FAF1: variants seen among roughly 807,000 people sequenced by gnomAD.
FAF1 encodes the protein FAS-associated factor 1.
Under a neutral mutation model 92.5 loss-of-function variants are expected in FAF1, and 25 were observed. The observed-to-expected ratio is 0.27, with a 90% confidence interval of 0.20 to 0.38. The LOEUF (loss-of-function observed/expected upper bound fraction) is 0.38, where lower values mean the gene tolerates loss of function less well. Among genes scored for constraint, FAF1 ranks in the 10% least tolerant of loss-of-function variants. The pLI, the probability that FAF1 is intolerant of heterozygous loss-of-function variation, is 1.00. For missense variants in FAF1, 636 were observed against 793.3 expected (o/e 0.80, Z 2.38); for synonymous variants, 234 against 273.2 (o/e 0.86, Z 1.42).
intron 2 of FAF1, chr1:50,846,700 G>T: frequency 1.7e-6 from 1 of 596,498 alleles, no homozygotes; most frequent in South Asian, 1.4e-5. Flanking sequence ...TTGAAAGCAT[G>T]ATGGAGCACT....
chr1:50,618,915 C>A (rs1230751389), intron 8 of FAF1, among the ~76,000 whole-genome samples: 1 of 151,762 alleles, frequency 6.6e-6, no homozygotes, highest in African/African-American at 2.4e-5. Flanking sequence ...TACCACCATG[C>A]CCGGCTGATT....
At chr1:50,922,766 C>G (rs1293769151) in intron 1 of FAF1, among the ~76,000 whole-genome samples, 3 of 145,832 alleles carry the variant, frequency 2.1e-5, no homozygotes, top group Non-Finnish European at 3.0e-5. Context: ...TTGCAGTGAG[C>G]CAAGATCACG....
rs1484881359 is a variant in FAF1, at chr1:50,819,668, A to ACACT, written c.115-17992_115-17991insAGTG. On this transcript the variant is annotated intron_variant, in intron 2 of 18. Transcript: ENST00000396153. ...CACACACACACACACACACACACACACTCTCTCTCTGTATATATATATACA... is the reference window on the plus strand; with the variant it reads ...CACACACACACACACACACACACACACACTCTCTCTCTCTGTATATATATATACA... Among the ~76,000 whole-genome samples, 167 of 118,876 alleles carry ACACT rather than the reference A, an allele frequency of 1.4e-3. 7 individuals are homozygous for ACACT. The highest frequency in any genetic ancestry group is 4.0e-3 in the African/African-American group (116 of 29,142). 78.0% of individuals were successfully genotyped at this position (118,876 alleles called of 152,430 possible). A position where few individuals can be genotyped will look rare whatever the true frequency, so the allele number is the denominator to read the frequency against.
chr1:50,914,561 T>C (rs1644907243), intron 1 of FAF1, among the ~76,000 whole-genome samples: 1 of 152,252 alleles, frequency 6.6e-6, no homozygotes, highest in Non-Finnish European at 1.5e-5. Flanking sequence ...GCCTTTATGC[T>C]TAGGCTACTG....
intron 1 of FAF1, among the ~76,000 whole-genome samples, chr1:50,938,845 T>C (rs1271921024): frequency 6.6e-6 from 1 of 152,216 alleles, no homozygotes; most frequent in African/African-American, 2.4e-5. Flanking sequence ...CTCCTCATTG[T>C]TTTTGTCAGC....
At chr1:50,668,871 A>G (rs922833845) in intron 7 of FAF1, among the ~76,000 whole-genome samples, 13 of 152,242 alleles carry the variant, frequency 8.5e-5, no homozygotes, top group Non-Finnish European at 1.6e-4. Context: ...TTCATTAAAT[A>G]AGGAGGCATT....
At chr1:50,527,522 T>G (rs1260553021) in intron 15 of FAF1, among the ~76,000 whole-genome samples, 3 of 152,202 alleles carry the variant, frequency 2.0e-5, no homozygotes, top group African/African-American at 7.2e-5. Context: ...AAAATTTAAC[T>G]CAGCTTGCAA....
chr1:50,659,830 A>G lies in FAF1; in HGVS notation c.658-4302T>C, dbSNP rs377089710. ...CTAAAGGTATAGTTTAATTTCTTCC[A>G]TATCGTTTCAGATAAGACAATCGTT... On this transcript the variant is annotated intron_variant, in intron 7 of 18. Transcript: ENST00000396153. Among the ~76,000 whole-genome samples the G allele has an allele frequency of 1.8e-4, 27 of 152,326 alleles. No individual in the cohort carries two copies. In the East Asian group the frequency reaches 2.9e-3, roughly 16 times the overall value.
At chr1:50,498,276 C>G (rs1646926185) in intron 15 of FAF1, among the ~76,000 whole-genome samples, 1 of 151,996 alleles carries the variant, frequency 6.6e-6, no homozygotes, top group Admixed American at 6.5e-5. Flanking sequence ...GAATCAAAGA[C>G]TCAAATTTAA....
At chr1:50,663,998 C>CTT (rs555597172) in intron 7 of FAF1, among the ~76,000 whole-genome samples, 27 of 128,756 alleles carry the variant, frequency 2.1e-4, no homozygotes, top group African/African-American at 5.4e-4. Context: ...ATCTGTTAAT[C>CTT]TTTTTTTTTT....
At chr1:50,514,294 A>G (rs978815075) in intron 15 of FAF1, among the ~76,000 whole-genome samples, 3 of 152,204 alleles carry the variant, frequency 2.0e-5, no homozygotes, top group Non-Finnish European at 4.4e-5. Flanking sequence ...GGTGTTTAGC[A>G]GATTTTTAAA....
At chr1:50,833,789 A>C (rs1014745111) in intron 2 of FAF1, among the ~76,000 whole-genome samples, 1 of 152,166 alleles carries the variant, frequency 6.6e-6, no homozygotes, top group Non-Finnish European at 1.5e-5. Flanking sequence ...GCCAAAACTC[A>C]GGGACAAAGA....
At chr1:50,908,010 G>A (rs1644854257) in intron 1 of FAF1, among the ~76,000 whole-genome samples, 1 of 152,126 alleles carries the variant, frequency 6.6e-6, no homozygotes, top group South Asian at 2.1e-4. Flanking sequence ...TGGGCATTTA[G>A]TGCTATAAAT....
chr1:50,747,529 C>CT (rs980483366), intron 4 of FAF1, among the ~76,000 whole-genome samples: 1 of 152,142 alleles, frequency 6.6e-6, no homozygotes, highest in Non-Finnish European at 1.5e-5. Context: ...AAGTAACCTG[C>CT]TTTTGCTTTT....
At chr1:50,607,323 A>G (rs1275166220) in intron 8 of FAF1, among the ~76,000 whole-genome samples, 1 of 152,194 alleles carries the variant, frequency 6.6e-6, no homozygotes, top group Non-Finnish European at 1.5e-5. Context: ...CCTCTTATTC[A>G]TTCTGTGACC....
chr1:50,485,684 A>AC (rs1557964454), intron 17 of FAF1, among the ~76,000 whole-genome samples: 4 of 147,990 alleles, frequency 2.7e-5, no homozygotes, highest in East Asian at 4.3e-4. Flanking sequence ...AAAAAAAAAA[A>AC]AAAAAAAAAA....
intron 7 of FAF1, among the ~76,000 whole-genome samples, chr1:50,686,740 C>T (rs981257051): frequency 1.3e-5 from 2 of 152,064 alleles, no homozygotes; most frequent in Non-Finnish European, 2.9e-5. Context: ...CTTGGTTTAA[C>T]TTCAATAGAG....
chr1:50,538,785 G>C lies in FAF1; in HGVS notation c.1405+807C>G, dbSNP rs1648617620. On this transcript the variant is annotated intron_variant, in intron 14 of 18. Coordinates refer to ENST00000396153, the MANE Select transcript of FAF1 (RefSeq NM_007051.3). Reference sequence around the variant, plus strand: ...TTAAACACTGTTTATGAAATTGAATGCTCTAGTTATAGAGAAAACATAAAA... The same window carrying C: ...TTAAACACTGTTTATGAAATTGAATCCTCTAGTTATAGAGAAAACATAAAA... 2.0e-5 allele frequency among the ~76,000 whole-genome samples: 3 copies of C among 152,098 alleles called. No individual in the cohort carries two copies. The South Asian group carries it at 6.2e-4, about 32-fold the overall frequency.
At chr1:50,911,424 G>A (rs1021915229) in intron 1 of FAF1, among the ~76,000 whole-genome samples, 10 of 151,280 alleles carry the variant, frequency 6.6e-5, no homozygotes, top group Non-Finnish European at 1.0e-4. Context: ...GGCTGGGCGC[G>A]GTGGCTCACA....
Sources: allele counts gnomAD v4.1 joint callset (sites outside exome capture counted in the v4.1 genomes callset), GRCh38; gene constraint gnomAD v4.1.1; transcripts MANE v1.5; gene names NCBI Gene and HGNC (gene_info 2026-07-23, HGNC 2026-07-21).